The following KAZN variants were observed in gnomAD, a reference collection of about 807,000 sequenced individuals.
KAZN encodes kazrin, periplakin interacting protein.
KAZN carries 40 observed loss-of-function variants against 87.4 expected under a neutral mutation model. The observed-to-expected ratio is 0.46, with a 90% CI of 0.36 to 0.60. The LOEUF (loss-of-function observed/expected upper bound fraction) is 0.60. KAZN is among the 20% of genes least tolerant of loss of function. The probability of loss-of-function intolerance (pLI) is 0.00; values close to 1 mark genes in which losing one functional copy is unlikely to be tolerated. For synonymous variants in KAZN, 466 were observed against 458.3 expected (o/e 1.02, Z -0.22); for missense variants, 898 against 1,073.9 (o/e 0.84, Z 2.29).
In KAZN at chr1:14,312,650, C is replaced by T. The variant is rs138128159; in HGVS notation, c.249+132058C>T. Among the ~76,000 whole-genome samples, 745 of 152,092 alleles carry T rather than the reference C, an allele frequency of 4.9e-3. 9 individuals carry two copies. The highest frequency in any genetic ancestry group is 0.017 in the African/African-American group (710 of 41,508). ...CCCTTCTCTTTGAGTTTGTACTGGG[C>T]GTAGTAACTTGCTTCTAATGAGTAG... is the stretch of plus-strand genomic sequence containing the variant. On this transcript the variant is annotated intron_variant, in intron 2 of 16. Transcript: ENST00000636203.
At chr1:14,128,062 A>C (rs779390326) in intron 1 of KAZN, among the ~76,000 whole-genome samples, 1 of 152,152 alleles carries the variant, frequency 6.6e-6, no homozygotes, top group African/African-American at 2.4e-5. Flanking sequence ...ATTGGAGTAG[A>C]AAAGTCCAAG....
chr1:14,748,923 A>G (rs2100478290), intron 1 of KAZN, among the ~76,000 whole-genome samples: 1 of 152,326 alleles, frequency 6.6e-6, no homozygotes, highest in South Asian at 2.1e-4. Flanking sequence ...TGAGCCACGA[A>G]TTTGAGAAGA....
chr1:14,920,484 C>T (rs545588050), intron 1 of KAZN, among the ~76,000 whole-genome samples: 71 of 151,826 alleles, frequency 4.7e-4, no homozygotes, highest in African/African-American at 1.6e-3. Flanking sequence ...GCTGTCTTTC[C>T]GGACCCCCAA....
At chr1:14,590,081 C>A (rs1386259584) in intron 2 of KAZN, among the ~76,000 whole-genome samples, 3 of 152,024 alleles carry the variant, frequency 2.0e-5, no homozygotes, top group Non-Finnish European at 4.4e-5. Flanking sequence ...ATCGAATGCA[C>A]CTCTGTTTAA....
chr1:14,258,390 A>AT (rs760768355), intron 2 of KAZN, among the ~76,000 whole-genome samples: 2,417 of 125,478 alleles, frequency 0.019, 45 homozygotes, highest in African/African-American at 0.035. Flanking sequence ...TAAATTTTGT[A>AT]TTTTTTTTTT....
At chr1:14,740,204 C>T (rs1344379126) in intron 1 of KAZN, among the ~76,000 whole-genome samples, 1 of 152,156 alleles carries the variant, frequency 6.6e-6, no homozygotes, top group Admixed American at 6.5e-5. Context: ...CCCTGGAGCT[C>T]AGGGAACCAA....
chr1:14,874,910 AC>A (rs1244636570), intron 1 of KAZN, among the ~76,000 whole-genome samples: 3 of 152,214 alleles, frequency 2.0e-5, no homozygotes, highest in Non-Finnish European at 4.4e-5. Flanking sequence ...CATTTGCCAA[AC>A]TGATGCTTTG....
At chr1:14,028,490 C>T (rs563254378) in intron 1 of KAZN, among the ~76,000 whole-genome samples, 33 of 152,266 alleles carry the variant, frequency 2.2e-4, no homozygotes, top group South Asian at 2.1e-3. Context: ...CTCACCTCTG[C>T]GTTAGGCTCT....
intron 2 of KAZN, among the ~76,000 whole-genome samples, chr1:14,427,472 C>T (rs187204579): frequency 4.0e-5 from 6 of 151,676 alleles, no homozygotes; most frequent in Admixed American, 3.9e-4. Context: ...AGCCTTTTGG[C>T]CAAAAGTAAA....
chr1:14,936,220 A>G (rs1443694508), intron 1 of KAZN, among the ~76,000 whole-genome samples: 1 of 152,176 alleles, frequency 6.6e-6, no homozygotes, highest in African/African-American at 2.4e-5. Flanking sequence ...ATGAAATCAT[A>G]GTGTCAGCCT....
chr1:14,098,476 G>A (rs528328399), intron 1 of KAZN, among the ~76,000 whole-genome samples: 1 of 152,316 alleles, frequency 6.6e-6, no homozygotes, highest in South Asian at 2.1e-4. Flanking sequence ...CAAACAGCAA[G>A]TGACAATTGC....
intron 2 of KAZN, among the ~76,000 whole-genome samples, chr1:14,994,871 G>A (rs74803870): frequency 0.11 from 16,775 of 152,294 alleles, 1,263 homozygotes; most frequent in East Asian, 0.22. Flanking sequence ...TTCCTCTGGA[G>A]AGAAGTAGCC....
chr1:14,140,551 A>G (rs1177416607), intron 1 of KAZN, among the ~76,000 whole-genome samples: 1 of 152,014 alleles, frequency 6.6e-6, no homozygotes, highest in African/African-American at 2.4e-5. Flanking sequence ...TCGCTATCCC[A>G]TATTTTCTTT....
chr1:15,106,922 G>A (rs920017568), intron 13 of KAZN, among the ~76,000 whole-genome samples: 3 of 152,176 alleles, frequency 2.0e-5, no homozygotes, highest in Non-Finnish European at 2.9e-5. Flanking sequence ...ATGCAGCAAG[G>A]AGCAGAGGTA....
intron 2 of KAZN, among the ~76,000 whole-genome samples, chr1:15,003,954 T>C (rs1368794001): frequency 6.6e-6 from 1 of 152,124 alleles, no homozygotes; most frequent in Non-Finnish European, 1.5e-5. Flanking sequence ...TGGCCTCTGC[T>C]GGGGGAAGCA....
chr1:14,562,441 G>T (rs1216123245), intron 2 of KAZN, among the ~76,000 whole-genome samples: 2 of 152,170 alleles, frequency 1.3e-5, no homozygotes, highest in African/African-American at 4.8e-5. Flanking sequence ...TTCAAGATTG[G>T]CTCCGAAAGA....
intron 8 of KAZN, among the ~76,000 whole-genome samples, chr1:15,082,148 C>T (rs965923484): frequency 1.3e-5 from 2 of 151,444 alleles, no homozygotes; most frequent in African/African-American, 4.8e-5. Flanking sequence ...CAGTGGCAGC[C>T]GAGGTCCAAG....
intron 1 of KAZN, among the ~76,000 whole-genome samples, chr1:14,614,481 T>G (rs550492849): frequency 6.6e-6 from 1 of 152,318 alleles, no homozygotes; most frequent in African/African-American, 2.4e-5. Flanking sequence ...CAAACTTTGC[T>G]AAGGATGAGA....
At chr1:14,639,421 A>C (rs1258798733) in intron 1 of KAZN, among the ~76,000 whole-genome samples, 3 of 152,228 alleles carry the variant, frequency 2.0e-5, no homozygotes, top group Non-Finnish European at 4.4e-5. Flanking sequence ...GAACATCAAC[A>C]CTTTGAGTGG....
Sources: allele counts gnomAD v4.1 joint callset (sites outside exome capture counted in the v4.1 genomes callset), GRCh38; gene constraint gnomAD v4.1.1; transcripts MANE v1.5; gene names NCBI Gene and HGNC (gene_info 2026-07-23, HGNC 2026-07-21).